Variants in HIPK3 observed in about 807,000 individuals in gnomAD.
The protein encoded by HIPK3 is homeodomain-interacting protein kinase 3.
A neutral mutation model predicts 124.2 loss-of-function variants in HIPK3; 47 were observed. The observed-to-expected ratio is 0.38, with a 90% CI of 0.30 to 0.48. The LOEUF (loss-of-function observed/expected upper bound fraction) is 0.48. Among genes scored for constraint, HIPK3 ranks in the 20% least tolerant of loss-of-function variants. HIPK3 has a pLI of 0.98. For missense variants in HIPK3, 1,286 were observed against 1,454.3 expected, an observed-to-expected ratio of 0.88 and a Z score of 1.88; for synonymous variants, 482 against 515.2, an observed-to-expected ratio of 0.94 and a Z score of 0.87.
chr11:33,299,209 C>CA (rs1168839174), intron 2 of HIPK3, among the ~76,000 whole-genome samples: 1 of 151,498 alleles, frequency 6.6e-6, no homozygotes, highest in East Asian at 2.0e-4. Flanking sequence ...CGCGGTGGCT[C>CA]ACGCCTGTAA....
intron 1 of HIPK3, among the ~76,000 whole-genome samples, chr11:33,261,540 T>C (rs1302480816): frequency 6.6e-6 from 1 of 152,220 alleles, no homozygotes; most frequent in Non-Finnish European, 1.5e-5. Context: ...GCAAAGGACA[T>C]GACATCATTC....
intron 1 of HIPK3, among the ~76,000 whole-genome samples, chr11:33,264,513 A>G (rs978317125): frequency 6.6e-6 from 1 of 152,234 alleles, no homozygotes; most frequent in Non-Finnish European, 1.5e-5. Flanking sequence ...AAATCAATAG[A>G]GTATGAGGCG....
At chr11:33,284,007 A>C (rs1256872276) in intron 1 of HIPK3, among the ~76,000 whole-genome samples, 1 of 152,144 alleles carries the variant, frequency 6.6e-6, no homozygotes, top group Non-Finnish European at 1.5e-5. Context: ...AATTGGAAAG[A>C]TATTGCTATG....
chr11:33,352,453 A>T (rs773528963), intron 16 of HIPK3, among the ~76,000 whole-genome samples, 188 bp downstream of exon 16: 3 of 152,370 alleles, frequency 2.0e-5, no homozygotes, highest in Non-Finnish European at 2.9e-5. Context: ...TAGAACTTGT[A>T]GCCTTTTTCA....
At chr11:33,314,862 A>G (rs1305166809) in intron 2 of HIPK3, among the ~76,000 whole-genome samples, 1 of 152,216 alleles carries the variant, frequency 6.6e-6, no homozygotes, top group Non-Finnish European at 1.5e-5. Flanking sequence ...TATAATTTTA[A>G]ATATACTTCA....
Position 33,286,832 on chromosome 11 carries a change from G to C in HIPK3, c.418G>C (p.Ala140Pro), listed in dbSNP as rs556300403. Residue 140 changes from alanine to proline, a missense_variant, in exon 2 of 17, where the codon GCA becomes CCA. Around this residue, in one of 3 missense-constraint regions of HIPK3, gnomAD observed 225 missense variants for 240.3 expected, o/e 0.94. Transcript: ENST00000303296. ...TGAGGAGTTGGATAATCATAGCAGCGCAATGCAGATTGTCGATGAATTGTC... is the reference window on the plus strand; with the variant it reads ...TGAGGAGTTGGATAATCATAGCAGCCCAATGCAGATTGTCGATGAATTGTC... ...KSEELDNHSSAMQIVDELSIL... is the reference protein window; with the variant it reads ...KSEELDNHSSPMQIVDELSIL... 1.9e-5 allele frequency: 30 copies of C among 1,614,138 alleles called. No homozygotes were observed. Among genetic ancestry groups the C allele is most frequent in the Non-Finnish European group, 2.5e-5 (30 of 1,180,034 alleles).
chr11:33,304,831 CT>C (rs1482766815), intron 2 of HIPK3, among the ~76,000 whole-genome samples: 1 of 152,054 alleles, frequency 6.6e-6, no homozygotes, highest in African/African-American at 2.4e-5. Context: ...GCATATGTAC[CT>C]TTTGACCTTT....
chr11:33,337,130 G>A lies in HIPK3; in HGVS notation c.1277G>A (p.Gly426Asp). 1.3e-6 allele frequency: 2 copies of A among 1,587,168 alleles called. No homozygotes were observed. The highest frequency in any genetic ancestry group is 1.7e-6 in the Non-Finnish European group (2 of 1,157,052). The change falls in exon 4 of 17, where the codon GGT becomes GAT. Residue 426 changes from glycine to aspartate, a missense_variant. Gly to Asp is a moderately conservative substitution (Grantham distance 94). This residue lies in a region of HIPK3 where 251 missense variants were observed against 349.1 expected (regional missense o/e 0.72). Transcript: ENST00000303296. Reference protein sequence around the residue: ...GLPGEQLLNVGTKSTRFFCKE... With the variant: ...GLPGEQLLNVDTKSTRFFCKE... ...CCAGGAGAACAGTTGTTAAATGTGGGTACTAAATCCACAAGATTTTTTTGC... is the reference window on the plus strand; with the variant it reads ...CCAGGAGAACAGTTGTTAAATGTGGATACTAAATCCACAAGATTTTTTTGC...
At chr11:33,339,251 T>C in intron 5 of HIPK3, 99 bp from the exon 6 acceptor site, 1 of 813,724 alleles carries the variant, frequency 1.2e-6, no homozygotes, top group East Asian at 2.4e-5. Flanking sequence ...CCCTCTCCTC[T>C]CCTGTGTTGT....
intron 1 of HIPK3, among the ~76,000 whole-genome samples, chr11:33,279,972 A>G (rs1209141233): frequency 6.6e-6 from 1 of 152,174 alleles, no homozygotes; most frequent in Non-Finnish European, 1.5e-5. Context: ...CCCACTTCTT[A>G]ATACCATCAC....
intron 3 of HIPK3, among the ~76,000 whole-genome samples, chr11:33,336,794 C>T (rs1853162357): frequency 6.6e-6 from 1 of 152,190 alleles, no homozygotes; most frequent in African/African-American, 2.4e-5. Flanking sequence ...AGTGCAAACT[C>T]CTATTTGTCC....
intron 2 of HIPK3, among the ~76,000 whole-genome samples, chr11:33,289,741 A>G (rs889592472): frequency 6.6e-6 from 1 of 152,168 alleles, no homozygotes; most frequent in African/African-American, 2.4e-5. Flanking sequence ...CTGTTGTGCT[A>G]TCAAATACTA....
intron 2 of HIPK3, among the ~76,000 whole-genome samples, chr11:33,303,260 T>A (rs9666540): frequency 6.6e-6 from 1 of 151,936 alleles, no homozygotes; most frequent in Non-Finnish European, 1.5e-5. Flanking sequence ...TTATAATGCC[T>A]AATACAATGT....
At chr11:33,350,094 G>A (rs529648675) in intron 14 of HIPK3, among the ~76,000 whole-genome samples, 8 of 152,288 alleles carry the variant, frequency 5.3e-5, no homozygotes, top group Admixed American at 2.6e-4. Context: ...GGATAAAAAA[G>A]CCACATTCTT....
At chr11:33,293,064 T>C (rs1011254228) in intron 2 of HIPK3, among the ~76,000 whole-genome samples, 1 of 152,228 alleles carries the variant, frequency 6.6e-6, no homozygotes, top group Non-Finnish European at 1.5e-5. Flanking sequence ...GCGCCATACC[T>C]GTGGCTGCAA....
chr11:33,318,760 C>T (rs1219886312), intron 2 of HIPK3, among the ~76,000 whole-genome samples: 2 of 152,134 alleles, frequency 1.3e-5, no homozygotes, highest in Non-Finnish European at 2.9e-5. Flanking sequence ...TGTTTTCTCA[C>T]GTTATATAAC....
chr11:33,286,513 T>C lies in HIPK3; in HGVS notation c.99T>C (p.Cys33=). Residue 33 remains cysteine, a synonymous_variant, in exon 2 of 17, where the codon TGT becomes TGC. Coordinates refer to ENST00000303296, the MANE Select transcript of HIPK3 (RefSeq NM_005734.5). ...VKKLKVEPSS[C]VFQERNYPRT... ...AACTCAAAGTAGAGCCAAGCAGTTGTGTATTCCAGGAAAGAAACTATCCAC... is the reference window on the plus strand; with the variant it reads ...AACTCAAAGTAGAGCCAAGCAGTTGCGTATTCCAGGAAAGAAACTATCCAC... The C allele has an allele frequency of 6.2e-7, 1 of 1,613,994 alleles. No individual in the cohort carries two copies. Among genetic ancestry groups the C allele is most frequent in the Non-Finnish European group, 8.5e-7 (1 of 1,180,000 alleles).
intron 2 of HIPK3, 74 bp from the exon 3 acceptor site, chr11:33,328,436 C>T: frequency 6.9e-7 from 1 of 1,447,292 alleles, no homozygotes; most frequent in African/African-American, 1.4e-5. Flanking sequence ...TTACCAACTT[C>T]CTAGAATGCC....
rs148586371 is a variant in HIPK3, at chr11:33,314,458, G to C, written c.1098-14052G>C. ...ACTTGAGGTCAGGAGTTCAAGAGCA[G>C]CCTGGCCAATGTGGTAAAAACCCGT... On this transcript the variant is annotated intron_variant, in intron 2 of 16. Transcript: ENST00000303296. 8.9e-3 allele frequency among the ~76,000 whole-genome samples: 1,354 copies of C among 152,198 alleles called. 20 individuals carry two copies. The highest frequency in any genetic ancestry group is 0.031 in the African/African-American group (1,292 of 41,520).
Sources: gnomAD v4.1 joint callset for allele counts (sites outside exome capture counted in the v4.1 genomes callset) on GRCh38, gnomAD v4.1.1 for gene constraint, gnomAD v4.1.1 regional missense constraint, MANE v1.5 for transcripts, NCBI Gene and HGNC (gene_info 2026-07-23, HGNC 2026-07-21) for gene names.